IL1RAPL2: variants seen among roughly 807,000 people sequenced by gnomAD.
IL1RAPL2 encodes interleukin 1 receptor accessory protein like 2.
In IL1RAPL2, 3 loss-of-function variants were observed where a neutral mutation model predicts 44.1. That is an observed-to-expected ratio of 0.07 (90% CI 0.03 to 0.18). The LOEUF (loss-of-function observed/expected upper bound fraction) is 0.18, where lower values mean the gene tolerates loss of function less well. Among genes scored for constraint, IL1RAPL2 ranks in the 10% least tolerant of loss-of-function variants. The pLI, the probability that IL1RAPL2 is intolerant of heterozygous loss-of-function variation, is 1.00. For missense variants in IL1RAPL2, 391 were observed against 496.4 expected (o/e 0.79, Z 2.02); for synonymous variants, 181 against 178.8 (o/e 1.01, Z -0.10).
At chrX:105,076,266 G>A (rs1202456679) in intron 2 of IL1RAPL2, among the ~76,000 whole-genome samples, 1 of 110,900 alleles carries the variant, frequency 9.0e-6, no homozygotes, top group Non-Finnish European at 1.9e-5. Context: ...TGGTTTCAAA[G>A]AACATCTTTA....
At chrX:105,578,595 G>A (rs898824701) in intron 6 of IL1RAPL2, among the ~76,000 whole-genome samples, 1 of 111,115 alleles carries the variant, frequency 9.0e-6, no homozygotes, top group East Asian at 2.8e-4. Flanking sequence ...GGAGCTCAGT[G>A]TATGGTAAGA....
intron 1 of IL1RAPL2, among the ~76,000 whole-genome samples, chrX:104,652,918 C>G (rs1000601084): frequency 9.0e-6 from 1 of 110,893 alleles, no homozygotes; most frequent in African/African-American, 3.3e-5. Flanking sequence ...TGTATGGTAG[C>G]CTTTCATACA....
At chrX:105,608,978 ACTC>A (rs2147825804) in intron 6 of IL1RAPL2, among the ~76,000 whole-genome samples, 1 of 110,552 alleles carries the variant, frequency 9.0e-6, no homozygotes, top group South Asian at 3.8e-4. Context: ...GACAAACTCA[ACTC>A]CTCTCTAGGA....
At chrX:104,981,416 T>A (rs1419615798) in intron 2 of IL1RAPL2, among the ~76,000 whole-genome samples, 2 of 110,311 alleles carry the variant, frequency 1.8e-5, no homozygotes, top group East Asian at 5.7e-4. Context: ...ATGCTACCAA[T>A]TTTTTTTACA....
At chrX:105,318,098 G>C (rs1484139160) in intron 5 of IL1RAPL2, among the ~76,000 whole-genome samples, 1 of 108,488 alleles carries the variant, frequency 9.2e-6, no homozygotes, top group Non-Finnish European at 1.9e-5. Context: ...TCAGCCTCCC[G>C]AGTAGCTGGG....
intron 2 of IL1RAPL2, among the ~76,000 whole-genome samples, chrX:104,892,275 G>C (rs1219094651): frequency 9.0e-6 from 1 of 111,611 alleles, no homozygotes; most frequent in Admixed American, 9.5e-5. Flanking sequence ...TTGTGTCTCT[G>C]TCAGGCTTTG....
intron 5 of IL1RAPL2, among the ~76,000 whole-genome samples, chrX:105,426,798 GC>G (rs1386618697): frequency 1.8e-5 from 2 of 111,420 alleles, no homozygotes; most frequent in Non-Finnish European, 3.8e-5. Flanking sequence ...GTGCAGACAT[GC>G]CATCCTGAGG....
chrX:104,744,054 C>T (rs1282108863), intron 2 of IL1RAPL2, among the ~76,000 whole-genome samples: 1 of 110,611 alleles, frequency 9.0e-6, no homozygotes, highest in Non-Finnish European at 1.9e-5. Flanking sequence ...AACCAGAATG[C>T]AGGATGCTGA....
chrX:105,235,652 G>T (rs782538533), intron 4 of IL1RAPL2, among the ~76,000 whole-genome samples: 2 of 111,903 alleles, frequency 1.8e-5, no homozygotes, highest in African/African-American at 3.2e-5. Flanking sequence ...CAGATAAAAA[G>T]GAACATAATG....
At chrX:104,960,590 A>C (rs1408985568) in intron 2 of IL1RAPL2, among the ~76,000 whole-genome samples, 1 of 111,386 alleles carries the variant, frequency 9.0e-6, no homozygotes, top group Non-Finnish European at 1.9e-5. Flanking sequence ...TAGAAATTCA[A>C]ATACTGGCTA....
chrX:104,887,897 C>T (rs930704138), intron 2 of IL1RAPL2, among the ~76,000 whole-genome samples: 12 of 111,482 alleles, frequency 1.1e-4, no homozygotes, highest in South Asian at 3.8e-4. Flanking sequence ...CAGGGACCAG[C>T]GCCCAGTTAG....
chrX:104,876,989 T>A (rs759698359), intron 2 of IL1RAPL2, among the ~76,000 whole-genome samples: 2 of 110,492 alleles, frequency 1.8e-5, no homozygotes, highest in Non-Finnish European at 3.8e-5. Flanking sequence ...GTTTGGTTTT[T>A]TGTTCTTGCG....
At chrX:105,490,024 C>T (rs992719876) in intron 6 of IL1RAPL2, among the ~76,000 whole-genome samples, 1 of 110,075 alleles carries the variant, frequency 9.1e-6, no homozygotes, top group East Asian at 2.8e-4. Context: ...CATTGGGTTT[C>T]GCTGTGTTGG....
intron 6 of IL1RAPL2, among the ~76,000 whole-genome samples, chrX:105,537,638 T>C (rs1044627946): frequency 7.2e-5 from 8 of 111,849 alleles, no homozygotes; most frequent in African/African-American, 2.6e-4. Flanking sequence ...CTACCAGCAG[T>C]AGGACCTTTA....
intron 5 of IL1RAPL2, among the ~76,000 whole-genome samples, chrX:105,367,409 A>G (rs776252390): frequency 9.0e-6 from 1 of 110,799 alleles, no homozygotes; most frequent in East Asian, 2.8e-4. Flanking sequence ...TAATTTGCAG[A>G]TCCTTTGTTC....
intron 2 of IL1RAPL2, among the ~76,000 whole-genome samples, chrX:104,799,221 T>G (rs772333652): frequency 9.0e-6 from 1 of 111,338 alleles, no homozygotes; most frequent in Non-Finnish European, 1.9e-5. Flanking sequence ...GTGCTATTAC[T>G]TATTTTATTA....
chrX:104,643,483 A>C (rs910225239), intron 1 of IL1RAPL2, among the ~76,000 whole-genome samples: 2 of 112,012 alleles, frequency 1.8e-5, no homozygotes, highest in African/African-American at 6.5e-5. Flanking sequence ...TCATTTTCAA[A>C]AACAATTATG....
chrX:105,090,300 GA>G (rs1184675500), intron 2 of IL1RAPL2, among the ~76,000 whole-genome samples: 2 of 111,570 alleles, frequency 1.8e-5, no homozygotes, highest in Non-Finnish European at 3.8e-5. Flanking sequence ...CCACATATAT[GA>G]AAAGTTGGCC....
chrX:105,087,404 C>T (rs1487750814), intron 2 of IL1RAPL2, among the ~76,000 whole-genome samples: 1 of 111,912 alleles, frequency 8.9e-6, no homozygotes, highest in Non-Finnish European at 1.9e-5. Context: ...GATGTTTTCA[C>T]TGGCCATGAA....
Sources: allele counts gnomAD v4.1 joint callset (sites outside exome capture counted in the v4.1 genomes callset), GRCh38; gene constraint gnomAD v4.1.1; transcripts MANE v1.5; gene names NCBI Gene and HGNC (gene_info 2026-07-23, HGNC 2026-07-21).